Variants in STARD7 observed in about 807,000 individuals in gnomAD.
The protein encoded by STARD7 is StAR related lipid transfer domain containing 7.
STARD7 carries 30 observed loss-of-function variants against 45.3 expected under a neutral mutation model. That is an observed-to-expected ratio of 0.66 (90% confidence interval 0.50 to 0.90). The LOEUF is 0.90. Among genes scored for constraint, STARD7 ranks in the 40% least tolerant of loss-of-function variants. STARD7 has a pLI of 0.00. For synonymous variants in STARD7, 199 were observed against 183.0 expected (o/e 1.09, Z -0.70); for missense variants, 495 against 491.3 (o/e 1.01, Z -0.07).
intron 5 of STARD7, 105 bp downstream of exon 5, chr2:96,192,973 C>T: frequency 2.5e-6 from 2 of 789,322 alleles, no homozygotes; most frequent in East Asian, 5.3e-5. Flanking sequence ...TGCAGGGAAG[C>T]CTGTGGGAGA....
chr2:96,207,289 G>C (rs1046009518), intron 1 of STARD7, among the ~76,000 whole-genome samples: 1 of 152,228 alleles, frequency 6.6e-6, no homozygotes, highest in Non-Finnish European at 1.5e-5. Flanking sequence ...AAACAGGCGA[G>C]TGTGGAATCT....
chr2:96,206,416 C>G (rs941793144), intron 1 of STARD7, among the ~76,000 whole-genome samples: 2 of 152,140 alleles, frequency 1.3e-5, no homozygotes, highest in African/African-American at 2.4e-5. Flanking sequence ...ACAATTCCAA[C>G]TGGAGATTTT....
chr2:96,188,200 G>C (rs527330092), intron 6 of STARD7: 5 of 151,688 alleles, frequency 3.3e-5, no homozygotes, highest in Non-Finnish European at 4.4e-5. Context: ...CGTTTGAACC[G>C]GGAGGCAGAG....
chr2:96,195,497 A>G lies in STARD7; in HGVS notation c.343T>C (p.Ser115Pro). ...TCTGGAGGGTGGTGCTGGACTCCAG[A>G]GCTCTGAAACATATTTGACATTTCT... ...LEEMSNMFQS[S>P]GVQHHPPEPK... is the part of the protein sequence containing the mutation. The change falls in exon 2 of 8, where the codon TCT becomes CCT. Residue 115 changes from serine (S) to proline (P), a missense_variant. Ser to Pro is a moderately conservative substitution (Grantham distance 74). This residue lies in a region of STARD7 where 282 missense variants were observed against 220.1 expected (regional missense o/e 1.28). Coordinates refer to ENST00000337288, the MANE Select transcript of STARD7 (RefSeq NM_020151.4). The G allele has an allele frequency of 6.2e-7, 1 of 1,613,804 alleles. No individual in the cohort carries two copies. Among genetic ancestry groups the G allele is most frequent in the Non-Finnish European group, 8.5e-7 (1 of 1,179,842 alleles).
In STARD7 at chr2:96,185,897, T is replaced by C. The variant is rs1479694626; in HGVS notation, c.*833A>G. 1 of 152,248 alleles carries C rather than the reference T, an allele frequency of 6.6e-6. No individual in the cohort carries two copies. The highest frequency in any genetic ancestry group is 1.5e-5 in the Non-Finnish European group (1 of 68,056). The allele number at this position is 152,248 out of a possible 1,614,324, so 9.4% of individuals were successfully genotyped here. A position where few individuals can be genotyped will look rare whatever the true frequency, so the allele number is the denominator to read the frequency against. Reference sequence around the variant, plus strand: ...TTTAAACTAAATTTAAATGTGATGTTTTGAGCATCAAAAAGCTACTATCTA... The same window carrying C: ...TTTAAACTAAATTTAAATGTGATGTCTTGAGCATCAAAAAGCTACTATCTA... On this transcript the variant is annotated 3_prime_UTR_variant, in exon 8 of 8. Transcript: ENST00000337288.
At chr2:96,208,040 T>C (rs1158980354) in intron 1 of STARD7, 105 bp downstream of exon 1, 3 of 1,139,034 alleles carry the variant, frequency 2.6e-6, no homozygotes, top group Non-Finnish European at 3.6e-6. Context: ...GTATTGCCAA[T>C]TAAAAGACCA....
intron 1 of STARD7, among the ~76,000 whole-genome samples, chr2:96,197,519 C>T (rs571118884): frequency 5.3e-5 from 8 of 152,166 alleles, no homozygotes; most frequent in Non-Finnish European, 1.2e-4. Context: ...TATCTTTTGT[C>T]CGTTTTTTAT....
Position 96,186,653 on chromosome 2 carries a change from G to A in STARD7, c.*77C>T. On this transcript the variant is annotated 3_prime_UTR_variant, in exon 8 of 8. Coordinates refer to ENST00000337288, the MANE Select transcript of STARD7 (RefSeq NM_020151.4). Reference sequence around the variant, plus strand: ...AGATGCCTTCTAATACATGTGGCATGTCCCCCTTCTACAGCAGAGTGATAA... The same window carrying A: ...AGATGCCTTCTAATACATGTGGCATATCCCCCTTCTACAGCAGAGTGATAA... 3.5e-6 allele frequency: 4 copies of A among 1,141,174 alleles called. No individual in the cohort carries two copies. Among genetic ancestry groups the A allele is most frequent in the Non-Finnish European group, 4.9e-6 (4 of 813,866 alleles). The allele number at this position is 1,141,174 out of a possible 1,614,324, so 70.7% of individuals were successfully genotyped here.
At position 96,208,304 on chromosome 2, in the gene STARD7, A is replaced by AGCTGCGCGATCT. The variant is rs773726260; in HGVS notation, c.119_130dup (p.Gln40_Gln43dup). On this transcript the variant is annotated inframe_insertion, in exon 1 of 8. Coordinates refer to ENST00000337288, the MANE Select transcript of STARD7 (RefSeq NM_020151.4). The stretch of plus-strand genomic sequence containing the variant: ...GCTCTCGGAGTAGAGGCGGCCGTAG[A>AGCTGCGCGATCT]GCTGCGCGATCTGCTGCGCGCGCCG... 2.4e-5 allele frequency: 38 copies of AGCTGCGCGATCT among 1,609,014 alleles called. No homozygotes were observed. Among genetic ancestry groups the AGCTGCGCGATCT allele is most frequent in the East Asian group, 1.1e-4 (5 of 44,738 alleles).
intron 1 of STARD7, among the ~76,000 whole-genome samples, chr2:96,197,122 A>AGACTAGACT (rs1683233695): frequency 6.8e-6 from 1 of 146,562 alleles, no homozygotes; most frequent in African/African-American, 2.5e-5. Flanking sequence ...AAAATAAAAT[A>AGACTAGACT]AAGCCAAGCA....
chr2:96,193,490 G>A lies in STARD7; in HGVS notation c.550-138C>T, dbSNP rs1194500451. 51 of 657,750 alleles carry A rather than the reference G, an allele frequency of 7.8e-5. 1 individual carries two copies. The South Asian group carries it at 8.1e-4, about 11-fold the overall frequency. The allele number at this position is 657,750 out of a possible 1,614,324, so 40.7% of individuals were successfully genotyped here. ...ATCTGACCTAACAGACAGTGCCAGA[G>A]TGTGAGAGACATGGCTGTGTTTACT... On this transcript the variant is annotated intron_variant, in intron 3 of 7. Coordinates refer to ENST00000337288, the MANE Select transcript of STARD7 (RefSeq NM_020151.4).
At chr2:96,200,743 T>C (rs2104199284) in intron 1 of STARD7, among the ~76,000 whole-genome samples, 1 of 152,316 alleles carries the variant, frequency 6.6e-6, no homozygotes, top group Non-Finnish European at 1.5e-5. Flanking sequence ...CTCAAATTCC[T>C]GGGCTTAAGA....
rs756123503 is a variant in STARD7 at position 96,208,232 on chromosome 2, C to G, written c.203G>C (p.Arg68Pro). The change falls in exon 1 of 8, where the codon CGT (arginine) becomes CCT (proline). Residue 68 changes from arginine to proline, a missense_variant. Arg to Pro is a moderately radical substitution (Grantham distance 103). Transcript: ENST00000337288. Reference protein sequence around the residue: ...LGRLWRRLHGRPGHASALMAA... With the variant: ...LGRLWRRLHGPPGHASALMAA... The stretch of plus-strand genomic sequence containing the variant: ...CATCAAGGCAGAGGCATGGCCAGGA[C>G]GGCCGTGCAGCCGGCGCCAGAGGCG... 6.2e-7 allele frequency: 1 copy of G among 1,612,464 alleles called. No individual in the cohort carries two copies. The highest frequency in any genetic ancestry group is 1.3e-5 in the African/African-American group (1 of 75,022).
chr2:96,186,643 C>T lies in STARD7; in HGVS notation c.*87G>A, dbSNP rs1358387897. 3.0e-6 allele frequency: 3 copies of T among 998,618 alleles called. No homozygotes were observed. Among genetic ancestry groups the T allele is most frequent in the Non-Finnish European group, 4.3e-6 (3 of 691,196 alleles). The allele number at this position is 998,618 out of a possible 1,614,324, so 61.9% of individuals were successfully genotyped here. A position where few individuals can be genotyped will look rare whatever the true frequency, so the allele number is the denominator to read the frequency against. On this transcript the variant is annotated 3_prime_UTR_variant, in exon 8 of 8. Coordinates refer to ENST00000337288, the MANE Select transcript of STARD7 (RefSeq NM_020151.4). The stretch of plus-strand genomic sequence containing the variant: ...AAGTTACAGCAGATGCCTTCTAATA[C>T]ATGTGGCATGTCCCCCTTCTACAGC...
intron 5 of STARD7, 28 bp downstream of exon 5, chr2:96,193,050 G>A (rs756327743): frequency 6.4e-6 from 10 of 1,567,872 alleles, no homozygotes; most frequent in South Asian, 5.6e-5. Flanking sequence ...AAAGGAACTC[G>A]GCAACAGCCA....
chr2:96,186,656 C>T lies in STARD7; in HGVS notation c.*74G>A, dbSNP rs1683041470. The T allele has an allele frequency of 8.5e-7, 1 of 1,173,812 alleles. No homozygotes were observed. Among genetic ancestry groups the T allele is most frequent in the Non-Finnish European group, 1.2e-6 (1 of 843,768 alleles). 72.7% of individuals were successfully genotyped at this position (1,173,812 alleles called of 1,614,324 possible). ...TGCCTTCTAATACATGTGGCATGTCCCCCTTCTACAGCAGAGTGATAACGG... is the reference window on the plus strand; with the variant it reads ...TGCCTTCTAATACATGTGGCATGTCTCCCTTCTACAGCAGAGTGATAACGG... On this transcript the variant is annotated 3_prime_UTR_variant, in exon 8 of 8. Transcript: ENST00000337288.
At chr2:96,196,610 C>T (rs1428003875) in intron 1 of STARD7, among the ~76,000 whole-genome samples, 2 of 152,256 alleles carry the variant, frequency 1.3e-5, no homozygotes, top group African/African-American at 2.4e-5. Flanking sequence ...TACAGGCACG[C>T]GCTATCATGC....
chr2:96,198,965 C>T lies in STARD7; in HGVS notation c.291-3416G>A, dbSNP rs181448460. Among the ~76,000 whole-genome samples the T allele has an allele frequency of 2.4e-3, 360 of 152,326 alleles. 1 individual carries two copies. The highest frequency in any genetic ancestry group is 8.0e-3 in the African/African-American group (334 of 41,564). On this transcript the variant is annotated intron_variant, in intron 1 of 7. Transcript: ENST00000337288. ...TTCCTTCCCCAGTGAACTATCCTGGCATCCTTGTTGAAAACTGACCAAAAA... is the reference window on the plus strand; with the variant it reads ...TTCCTTCCCCAGTGAACTATCCTGGTATCCTTGTTGAAAACTGACCAAAAA...
At chr2:96,187,971 A>G (rs1683063091) in intron 6 of STARD7, 1 of 149,024 alleles carries the variant, frequency 6.7e-6, no homozygotes, top group Non-Finnish European at 1.5e-5. Flanking sequence ...AAATAAATAA[A>G]TAAATAAATA....
Sources: gnomAD v4.1 joint callset for allele counts (sites outside exome capture counted in the v4.1 genomes callset) on GRCh38, gnomAD v4.1.1 for gene constraint, gnomAD v4.1.1 regional missense constraint, MANE v1.5 for transcripts, NCBI Gene and HGNC (gene_info 2026-07-23, HGNC 2026-07-21) for gene names.